The following IVD variants were observed in gnomAD, a reference collection of about 807,000 sequenced individuals.
The protein encoded by IVD is isovaleryl-CoA dehydrogenase.
In IVD, 31 loss-of-function variants were observed where a neutral mutation model predicts 51.3. That is an observed-to-expected ratio of 0.60 (90% CI 0.45 to 0.81). The LOEUF (loss-of-function observed/expected upper bound fraction) is 0.81. Among genes scored for constraint, IVD ranks in the 40% least tolerant of loss-of-function variants. IVD has a pLI of 0.00. For synonymous variants in IVD, 205 were observed against 219.4 expected, an observed-to-expected ratio of 0.93 and a Z score of 0.58; for missense variants, 475 against 552.0, an observed-to-expected ratio of 0.86 and a Z score of 1.40.
At chr15:40,428,737 G>T (rs1050564749), downstream of IVD, among the ~76,000 whole-genome samples, 2 of 152,212 alleles carry the variant, frequency 1.3e-5, no homozygotes, top group Admixed American at 6.5e-5. Context: ...GAGAGGCTGT[G>T]GGGGGTGGGG....
chr15:40,426,598 A>G (rs181187427), downstream of IVD, among the ~76,000 whole-genome samples: 6 of 152,272 alleles, frequency 3.9e-5, no homozygotes, highest in Middle Eastern at 3.4e-3. Context: ...CAGATGTGCA[A>G]GTGTTCCTCA....
At chr15:40,412,300 C>T (rs1229829104) in intron 6 of IVD, among the ~76,000 whole-genome samples, 2 of 152,178 alleles carry the variant, frequency 1.3e-5, no homozygotes, top group Admixed American at 1.3e-4. Flanking sequence ...AACCACTTGC[C>T]TAACGATCAT....
chr15:40,406,367 T>C, intron 1 of IVD: 1 of 1,312,662 alleles, frequency 7.6e-7, no homozygotes, highest in Non-Finnish European at 1.0e-6. Flanking sequence ...TTCTCACACC[T>C]GGGTGGTCAT....
downstream of IVD, among the ~76,000 whole-genome samples, chr15:40,422,882 G>A (rs183257521): frequency 3.6e-3 from 552 of 151,340 alleles, no homozygotes; most frequent in African/African-American, 0.013. Flanking sequence ...TTACAGGCAT[G>A]AGCCACCACG....
At chr15:40,421,406 G>C, downstream of IVD, 2 of 985,444 alleles carry the variant, frequency 2.0e-6, no homozygotes, top group South Asian at 9.4e-5. Context: ...CAAATCTGCA[G>C]CACCAGCTGC....
In IVD at chr15:40,420,883, C is replaced by T; in HGVS notation, c.*2620C>T. On this transcript the variant is annotated 3_prime_UTR_variant, in exon 12 of 12. Transcript: ENST00000487418. ...AAGGGAATGGGTCTGGGTTGTTCCA[C>T]CCCTTCCGAGTTCCAAAAAGAGGGA... 2.0e-6 allele frequency: 2 copies of T among 985,560 alleles called. No homozygotes were observed. The highest frequency in any genetic ancestry group is 2.4e-6 in the Non-Finnish European group (2 of 830,030). 61.1% of individuals were successfully genotyped at this position (985,560 alleles called of 1,614,324 possible). A position where few individuals can be genotyped will look rare whatever the true frequency, so the allele number is the denominator to read the frequency against.
At chr15:40,414,384 C>T (rs931234141) in intron 7 of IVD, 3 of 181,652 alleles carry the variant, frequency 1.7e-5, no homozygotes, top group East Asian at 1.2e-4. Flanking sequence ...CATCCAGTCT[C>T]CTGGCTTTAC....
Position 40,411,691 on chromosome 15 carries a change from G to T in IVD, c.687G>T (p.Lys229Asn). 1 of 1,614,176 alleles carries T rather than the reference G, an allele frequency of 6.2e-7. No homozygotes were observed. The highest frequency in any genetic ancestry group is 8.5e-7 in the Non-Finnish European group (1 of 1,180,034). The change falls in exon 6 of 12, where the codon AAG becomes AAT. Residue 229 changes from lysine to asparagine, a missense_variant and splice_region_variant. Transcript: ENST00000487418. ...SRGITAFIVE[K>N]GMPGFSTSKK... ...GCATCACAGCCTTCATTGTGGAGAA[G>T]GTGAGTATAGGTGGGTGCAGGGCCA...
chr15:40,411,604 T>C lies in IVD; in HGVS notation c.600T>C (p.Pro200=). Residue 200 remains proline, a synonymous_variant, in exon 6 of 12, where the codon CCT becomes CCC. Coordinates refer to ENST00000487418, the MANE Select transcript of IVD (RefSeq NM_002225.5). ...NGNKFWITNG[P]DADVLIVYAK... ...ACAAGTTCTGGATCACTAATGGCCC[T>C]GATGCTGACGTCCTGATTGTCTATG... The C allele has an allele frequency of 6.2e-7, 1 of 1,614,232 alleles. No individual in the cohort carries two copies. Among genetic ancestry groups the C allele is most frequent in the Non-Finnish European group, 8.5e-7 (1 of 1,180,032 alleles).
intron 3 of IVD, among the ~76,000 whole-genome samples, chr15:40,409,914 G>C (rs1890872540): frequency 6.8e-6 from 1 of 147,464 alleles, no homozygotes; most frequent in Admixed American, 7.0e-5. Context: ...TCGGCTCTCT[G>C]CAAGCTCCAC....
At position 40,416,051 on chromosome 15, in the gene IVD, T is replaced by C. The variant is rs1891635200; in HGVS notation, c.961-27T>C. 1.9e-6 allele frequency: 3 copies of C among 1,607,388 alleles called. No individual in the cohort carries two copies. In the African/African-American group the frequency reaches 4.0e-5, roughly 21 times the overall value. On this transcript the variant is annotated intron_variant, in intron 9 of 11. Transcript: ENST00000487418. ...TAACTGAGAGAGTGTTCCAGCATGT[T>C]GACCTGTGACATCCCTTTGTGCCCA...
At chr15:40,432,376 A>G (rs1488032948) in intron 7 of IVD, among the ~76,000 whole-genome samples, 1 of 152,140 alleles carries the variant, frequency 6.6e-6, no homozygotes, top group Non-Finnish European at 1.5e-5. Flanking sequence ...TAGCTTTCCT[A>G]GGTCAGAAGC....
Position 40,410,779 on chromosome 15 carries a change from A to G in IVD, c.438A>G (p.Lys146=), listed in dbSNP as rs1007239169. Residue 146 remains lysine (K), a synonymous_variant, in exon 4 of 12, where the codon AAA becomes AAG. Transcript: ENST00000487418. ...QLVRNGNEAQ[K]EKYLPKLISG... ...TACGCAATGGGAATGAGGCCCAGAA[A>G]GAGAAGTATCTCCCGAAGGTGAGGA... 1 of 1,614,222 alleles carries G rather than the reference A, an allele frequency of 6.2e-7. No homozygotes were observed. The highest frequency in any genetic ancestry group is 8.5e-7 in the Non-Finnish European group (1 of 1,180,046).
chr15:40,433,915 G>T lies in IVD; in HGVS notation c.780+1G>T. ...ATCTGCTCCTGGGGCAATAATGAAGGTACTATTAGAGATTGGCATGAGAAT... is the reference window on the plus strand; with the variant it reads ...ATCTGCTCCTGGGGCAATAATGAAGTTACTATTAGAGATTGGCATGAGAAT... On this transcript the variant is annotated splice_donor_variant, in intron 8 of 8. Transcript: ENST00000473112. LOFTEE classifies it high-confidence loss of function. 1 of 456,666 alleles carries T rather than the reference G, an allele frequency of 2.2e-6. No homozygotes were observed. The highest frequency in any genetic ancestry group is 4.4e-6 in the Non-Finnish European group (1 of 226,960). 28.3% of individuals were successfully genotyped at this position (456,666 alleles called of 1,614,324 possible).
In IVD at chr15:40,410,768, G is replaced by A; in HGVS notation, c.427G>A (p.Glu143Lys). ...CAACCAGCTTGTACGCAATGGGAAT[G>A]AGGCCCAGAAAGAGAAGTATCTCCC... ...CINQLVRNGN[E>K]AQKEKYLPKL... Residue 143 changes from glutamate to lysine, a missense_variant, in exon 4 of 12, where the codon GAG becomes AAG. Coordinates refer to ENST00000487418, the MANE Select transcript of IVD (RefSeq NM_002225.5). The A allele has an allele frequency of 6.2e-7, 1 of 1,614,206 alleles. No homozygotes were observed. Among genetic ancestry groups the A allele is most frequent in the Non-Finnish European group, 8.5e-7 (1 of 1,180,034 alleles).
At chr15:40,412,938 A>G (rs1891234759) in intron 6 of IVD, 53 bp from the exon 7 acceptor site, 3 of 1,479,644 alleles carry the variant, frequency 2.0e-6, no homozygotes, top group Admixed American at 3.4e-5. Flanking sequence ...TTCCTTTACC[A>G]GGCCCCCTTG....
At chr15:40,410,038 G>A (rs988735987) in intron 3 of IVD, among the ~76,000 whole-genome samples, 21 of 151,884 alleles carry the variant, frequency 1.4e-4, no homozygotes, top group African/African-American at 1.9e-4. Flanking sequence ...GGGTTTCACC[G>A]TGTTAGCCAG....
In IVD at chr15:40,410,760, A is replaced by G. The variant is rs1346585286; in HGVS notation, c.419A>G (p.Asn140Ser). Residue 140 changes from asparagine to serine, a missense_variant, in exon 4 of 12, where the codon AAT (asparagine) becomes AGT (serine). Physicochemically the swap from Asn to Ser is conservative, Grantham distance 46 (BLOSUM62 1). Transcript: ENST00000487418. ...CTCTGCATCAACCAGCTTGTACGCA[A>G]TGGGAATGAGGCCCAGAAAGAGAAG... is the stretch of plus-strand genomic sequence containing the variant. Reference protein sequence around the residue: ...SNLCINQLVRNGNEAQKEKYL... With the variant: ...SNLCINQLVRSGNEAQKEKYL... 1 of 1,614,226 alleles carries G rather than the reference A, an allele frequency of 6.2e-7. No homozygotes were observed. The highest frequency in any genetic ancestry group is 1.7e-5 in the Admixed American group (1 of 60,024).
rs956342089 is a variant in IVD at position 40,420,525 on chromosome 15, C to T, written c.*2262C>T. ...TTGTGTCCTTGGAGAGTGGCTGGCC[C>T]AGGTCCTATTCCTGTCCTCCAGCCC... On this transcript the variant is annotated 3_prime_UTR_variant, in exon 12 of 12. Transcript: ENST00000487418. The T allele has an allele frequency of 1.0e-6, 1 of 987,634 alleles. No homozygotes were observed. Among genetic ancestry groups the T allele is most frequent in the African/African-American group, 1.7e-5 (1 of 57,432 alleles). 61.2% of individuals were successfully genotyped at this position (987,634 alleles called of 1,614,324 possible).
Sources: allele counts gnomAD v4.1 joint callset (sites outside exome capture counted in the v4.1 genomes callset), GRCh38; gene constraint gnomAD v4.1.1; transcripts MANE v1.5; gene names NCBI Gene and HGNC (gene_info 2026-07-23, HGNC 2026-07-21).